The following TIPIN variants were observed in gnomAD, a reference collection of about 807,000 sequenced individuals.
The protein encoded by TIPIN is TIMELESS interacting protein, also known as TIMELESS-interacting protein.
TIPIN carries 29 observed loss-of-function variants against 35.6 expected under a neutral mutation model. The ratio of observed to expected loss-of-function variants is 0.82; its 90% confidence interval spans 0.61 to 1.11. TIPIN has a LOEUF of 1.11. Ranked by LOEUF, TIPIN falls within the 50% of genes most tolerant of loss-of-function variation. The probability of loss-of-function intolerance (pLI) is 0.00; values close to 1 mark genes in which losing one functional copy is unlikely to be tolerated. For synonymous variants in TIPIN, 102 were observed against 121.5 expected (o/e 0.84, Z 1.06); for missense variants, 296 against 345.4 (o/e 0.86, Z 1.13).
In TIPIN at chr15:66,382,837, C is replaced by T. The variant is rs532492482; in HGVS notation, c.-9+3770G>A. The T allele has an allele frequency of 5.0e-5, 27 of 544,100 alleles. 1 individual carries two copies. In the South Asian group the frequency reaches 1.8e-3, roughly 37 times the overall value. The allele number at this position is 544,100 out of a possible 1,614,324, so 33.7% of individuals were successfully genotyped here. A position where few individuals can be genotyped will look rare whatever the true frequency, so the allele number is the denominator to read the frequency against. ...ATATGTTACAGTGTTTATTATTATACATCACTGATTCATACACATATAGTT... is the reference window on the plus strand; with the variant it reads ...ATATGTTACAGTGTTTATTATTATATATCACTGATTCATACACATATAGTT... On this transcript the variant is annotated intron_variant, in intron 1 of 7. Transcript: ENST00000562124.
intron 4 of TIPIN, 37 bp downstream of exon 4, chr15:66,351,488 T>A: frequency 6.6e-7 from 1 of 1,517,376 alleles, no homozygotes; most frequent in Non-Finnish European, 9.1e-7. Flanking sequence ...ATTGCTATTT[T>A]AAAAAACAAA....
rs140906738 is a variant in TIPIN at position 66,341,132 on chromosome 15, AT to A, written c.682+17del. ...TGATATATTAATGGTAGCATATAAA[AT>A]TTGGCATAAAATTTACCATTTCCTA... On this transcript the variant is annotated intron_variant, in intron 7 of 7. Transcript: ENST00000261881. 1,001 of 1,606,634 alleles carry A rather than the reference AT, an allele frequency of 6.2e-4. 6 individuals carry two copies. In the African/African-American group the frequency reaches 0.012, roughly 19 times the overall value.
At chr15:66,377,334 A>T (rs1256417776) in intron 1 of TIPIN, among the ~76,000 whole-genome samples, 2 of 152,052 alleles carry the variant, frequency 1.3e-5, no homozygotes, top group Non-Finnish European at 2.9e-5. Flanking sequence ...TGGATGAATG[A>T]TGATCTTCTT....
At chr15:66,370,750 T>C (rs1230870860) in intron 1 of TIPIN, among the ~76,000 whole-genome samples, 1 of 152,230 alleles carries the variant, frequency 6.6e-6, no homozygotes. Context: ...GAGCAAGTTT[T>C]TTTTATTTTG....
chr15:66,382,932 ATCACTGCCGG>A, intron 1 of TIPIN: 3 of 985,394 alleles, frequency 3.0e-6, no homozygotes, highest in Non-Finnish European at 1.2e-6. Context: ...GAACCGATGG[ATCACTGCCGG>A]TCTGAAAAGG....
At chr15:66,373,357 G>C (rs1314833987) in intron 1 of TIPIN, among the ~76,000 whole-genome samples, 1 of 152,068 alleles carries the variant, frequency 6.6e-6, no homozygotes, top group Admixed American at 6.6e-5. Context: ...GCCAGGTGTG[G>C]TGGCGGGCGC....
chr15:66,358,862 G>A (rs2093218551), upstream of TIPIN, among the ~76,000 whole-genome samples: 1 of 152,044 alleles, frequency 6.6e-6, no homozygotes, highest in Admixed American at 6.6e-5. Flanking sequence ...TGGCCAACAT[G>A]GTGAAACCCC....
At chr15:66,379,633 C>CA in intron 1 of TIPIN, 7 of 1,609,624 alleles carry the variant, frequency 4.3e-6, no homozygotes, top group Non-Finnish European at 6.0e-6. Context: ...TAAGCATACA[C>CA]AGACCTCATC....
At chr15:66,360,944 C>G (rs1415580025), upstream of TIPIN, among the ~76,000 whole-genome samples, 1 of 152,006 alleles carries the variant, frequency 6.6e-6, no homozygotes, top group Non-Finnish European at 1.5e-5. Context: ...CCAGCCTGGG[C>G]TACAGAAGGA....
At chr15:66,371,976 A>G (rs1473859363) in intron 1 of TIPIN, among the ~76,000 whole-genome samples, 1 of 151,654 alleles carries the variant, frequency 6.6e-6, no homozygotes, top group Non-Finnish European at 1.5e-5. Context: ...TGTATTTTTT[A>G]TAGAGAGAGG....
chr15:66,379,381 T>C (rs926770660), intron 1 of TIPIN: 13 of 1,599,112 alleles, frequency 8.1e-6, no homozygotes, highest in Non-Finnish European at 1.1e-5. Context: ...GAGACATAGA[T>C]ACCATTCAAA....
chr15:66,383,344 C>A (rs1044043416), intron 1 of TIPIN, among the ~76,000 whole-genome samples: 1 of 151,328 alleles, frequency 6.6e-6, no homozygotes, highest in African/African-American at 2.4e-5. Context: ...CTCACTGTAA[C>A]CTCCACCTCC....
chr15:66,353,464 A>T (rs2093182450), intron 1 of TIPIN, among the ~76,000 whole-genome samples: 1 of 151,968 alleles, frequency 6.6e-6, no homozygotes, highest in Non-Finnish European at 1.5e-5. Flanking sequence ...AAAATACAAA[A>T]AATTATCCAG....
At chr15:66,356,361 G>GA (rs1353777700) in intron 1 of TIPIN, among the ~76,000 whole-genome samples, 1 of 152,104 alleles carries the variant, frequency 6.6e-6, no homozygotes, top group Non-Finnish European at 1.5e-5. Context: ...GCCCCGGACA[G>GA]AAGCCTGGGG....
intron 1 of TIPIN, among the ~76,000 whole-genome samples, chr15:66,355,145 T>C (rs1433642570): frequency 6.7e-6 from 1 of 149,798 alleles, no homozygotes; most frequent in Non-Finnish European, 1.5e-5. Flanking sequence ...GCCATTCTCC[T>C]GCCTCAGCCT....
At chr15:66,376,161 C>A (rs2093296081) in intron 1 of TIPIN, among the ~76,000 whole-genome samples, 1 of 152,112 alleles carries the variant, frequency 6.6e-6, no homozygotes, top group Non-Finnish European at 1.5e-5. Context: ...AGTTACTACA[C>A]AATGTTCTGC....
chr15:66,353,564 C>G (rs575953312), intron 1 of TIPIN, among the ~76,000 whole-genome samples: 147 of 147,600 alleles, frequency 1.0e-3, no homozygotes, highest in Middle Eastern at 3.5e-3. Flanking sequence ...TGCAGTAAGC[C>G]AAGATGCCGC....
upstream of TIPIN, among the ~76,000 whole-genome samples, chr15:66,357,465 A>G (rs1242469087): frequency 6.6e-6 from 1 of 152,086 alleles, no homozygotes; most frequent in Non-Finnish European, 1.5e-5. Context: ...GCTCGCCTGT[A>G]ATCCCAGCAC....
chr15:66,379,190 T>G, intron 1 of TIPIN: 1 of 1,136,702 alleles, frequency 8.8e-7, no homozygotes, highest in Non-Finnish European at 1.2e-6. Flanking sequence ...TGCCTGGCCT[T>G]GATTGCATCT....
Sources: allele counts gnomAD v4.1 joint callset (sites outside exome capture counted in the v4.1 genomes callset), GRCh38; gene constraint gnomAD v4.1.1; transcripts MANE v1.5; gene names NCBI Gene and HGNC (gene_info 2026-07-23, HGNC 2026-07-21).